The following KALRN variants were observed in gnomAD, a reference collection of about 807,000 sequenced individuals.
KALRN encodes kalirin.
In KALRN, 70 loss-of-function variants were observed where a neutral mutation model predicts 353.7. The ratio of observed to expected loss-of-function variants is 0.20; its 90% CI spans 0.16 to 0.24. The LOEUF is 0.24. Among genes scored for constraint, KALRN ranks in the 10% least tolerant of loss-of-function variants. The pLI, the probability that KALRN is intolerant of heterozygous loss-of-function variation, is 1.00. For synonymous variants in KALRN, 1,391 were observed against 1,434.8 expected (o/e 0.97, Z 0.69); for missense variants, 2,791 against 3,756.7 (o/e 0.74, Z 6.72).
chr3:124,587,694 T>TCC (rs1561351945), intron 34 of KALRN, among the ~76,000 whole-genome samples: 1 of 108,788 alleles, frequency 9.2e-6, no homozygotes, highest in Non-Finnish European at 1.9e-5. Flanking sequence ...ACCCCCACCC[T>TCC]CCACTTTTTT....
intron 12 of KALRN, among the ~76,000 whole-genome samples, chr3:124,398,100 A>G (rs1041804575): frequency 2.0e-5 from 3 of 152,234 alleles, no homozygotes; most frequent in Non-Finnish European, 4.4e-5. Context: ...TCAGGTTTGC[A>G]GGCTCCAGAT....
chr3:124,176,808 C>T (rs776819982), intron 1 of KALRN, among the ~76,000 whole-genome samples: 10 of 152,196 alleles, frequency 6.6e-5, no homozygotes, highest in Non-Finnish European at 1.5e-4. Flanking sequence ...TAGATTAGTT[C>T]TCTCCTTGCT....
At chr3:124,449,216 C>T (rs925587223) in intron 21 of KALRN, among the ~76,000 whole-genome samples, 1 of 151,926 alleles carries the variant, frequency 6.6e-6, no homozygotes. Context: ...ATACAGTGGC[C>T]CTTATGGTTG....
intron 1 of KALRN, among the ~76,000 whole-genome samples, chr3:124,167,887 G>C (rs1327736463): frequency 6.6e-6 from 1 of 152,100 alleles, no homozygotes; most frequent in African/African-American, 2.4e-5. Context: ...GTTCTCAATT[G>C]GACAGAGCAG....
intron 18 of KALRN, 37 bp from the exon 19 acceptor site, chr3:124,441,908 T>C: frequency 6.7e-6 from 9 of 1,337,132 alleles, no homozygotes; most frequent in Non-Finnish European, 8.3e-6. Context: ...TCCATACACC[T>C]GCTGGGACAG....
chr3:124,501,899 CAGA>C (rs1217178615), intron 33 of KALRN, among the ~76,000 whole-genome samples: 1 of 152,162 alleles, frequency 6.6e-6, no homozygotes, highest in Admixed American at 6.5e-5. Context: ...CATAGAAAAC[CAGA>C]AGGAGAAAGG....
At chr3:124,495,729 T>TA (rs1170201040) in intron 32 of KALRN, among the ~76,000 whole-genome samples, 15,143 of 68,024 alleles carry the variant, frequency 0.22, 2,094 homozygotes, top group East Asian at 0.39. Flanking sequence ...GACTCCATCT[T>TA]AAAAAAAAAA....
At chr3:124,652,744 A>AT (rs1484243492) in intron 38 of KALRN, among the ~76,000 whole-genome samples, 2 of 151,926 alleles carry the variant, frequency 1.3e-5, no homozygotes, top group Non-Finnish European at 1.5e-5. Context: ...CATCTGGCTA[A>AT]TTTTTTGTAT....
intron 57 of KALRN, among the ~76,000 whole-genome samples, chr3:124,708,210 G>T (rs1044039222): frequency 6.6e-6 from 1 of 152,168 alleles, no homozygotes; most frequent in African/African-American, 2.4e-5. Context: ...CATAACATTT[G>T]AAATGTTTGG....
chr3:124,566,656 C>T (rs2072884176), intron 34 of KALRN, among the ~76,000 whole-genome samples: 10 of 152,186 alleles, frequency 6.6e-5, no homozygotes, highest in Admixed American at 5.9e-4. Flanking sequence ...AGAGTGTTGG[C>T]CTTAGCTAAG....
intron 1 of KALRN, among the ~76,000 whole-genome samples, chr3:124,182,957 G>C (rs1484215844): frequency 2.6e-5 from 4 of 152,196 alleles, no homozygotes; most frequent in East Asian, 3.9e-4. Context: ...AAAATATTGA[G>C]TATTTGTATA....
intron 30 of KALRN, 126 bp from the exon 31 acceptor site, chr3:124,491,191 TGTTAAA>T (rs2063126947): frequency 1.7e-6 from 1 of 598,382 alleles, no homozygotes; most frequent in African/African-American, 1.9e-5. Context: ...ATATCCAATC[TGTTAAA>T]GTTTGATTGA....
chr3:124,252,487 C>A (rs1400773356), intron 3 of KALRN, among the ~76,000 whole-genome samples: 1 of 152,144 alleles, frequency 6.6e-6, no homozygotes, highest in Admixed American at 6.5e-5. Flanking sequence ...CTGAGTCAAA[C>A]CACTTTATAG....
intron 51 of KALRN, among the ~76,000 whole-genome samples, chr3:124,689,666 A>G (rs1043914461): frequency 6.6e-6 from 1 of 152,230 alleles, no homozygotes; most frequent in Non-Finnish European, 1.5e-5. Flanking sequence ...CCACTAGACA[A>G]GGTGGTCAGG....
At chr3:124,715,094 T>C (rs922294000) in intron 58 of KALRN, among the ~76,000 whole-genome samples, 3 of 151,318 alleles carry the variant, frequency 2.0e-5, no homozygotes, top group African/African-American at 4.9e-5. Flanking sequence ...GGAAGACCAA[T>C]AGATAGATAA....
intron 34 of KALRN, among the ~76,000 whole-genome samples, chr3:124,599,089 A>G (rs967114278): frequency 4.6e-5 from 7 of 152,208 alleles, no homozygotes; most frequent in Non-Finnish European, 5.9e-5. Context: ...TGAGGAACTG[A>G]CATAGCTACC....
chr3:124,596,723 CTAGG>C (rs2076299890), intron 34 of KALRN, among the ~76,000 whole-genome samples: 1 of 152,080 alleles, frequency 6.6e-6, no homozygotes, highest in Admixed American at 6.5e-5. Context: ...TGTGGTAAAT[CTAGG>C]TAGGTGTTGG....
chr3:124,532,972 T>C (rs2068176779), intron 33 of KALRN, among the ~76,000 whole-genome samples: 1 of 148,898 alleles, frequency 6.7e-6, no homozygotes, highest in Admixed American at 6.7e-5. Flanking sequence ...TCCTAAGTAA[T>C]GTTGAATTGG....
At chr3:124,539,564 C>A (rs1207562292) in intron 33 of KALRN, among the ~76,000 whole-genome samples, 4 of 152,136 alleles carry the variant, frequency 2.6e-5, no homozygotes, top group Non-Finnish European at 5.9e-5. Flanking sequence ...GAGGGGAATG[C>A]AGATACTTTG....
Sources: allele counts gnomAD v4.1 joint callset (sites outside exome capture counted in the v4.1 genomes callset), GRCh38; gene constraint gnomAD v4.1.1; transcripts MANE v1.5; gene names NCBI Gene and HGNC (gene_info 2026-07-23, HGNC 2026-07-21).